PTPRK: variants seen among roughly 807,000 people sequenced by gnomAD.
PTPRK encodes protein tyrosine phosphatase receptor type K.
Under a neutral mutation model 178.0 loss-of-function variants are expected in PTPRK, and 75 were observed. The ratio of observed to expected loss-of-function variants is 0.42; its 90% CI spans 0.35 to 0.51. The LOEUF (loss-of-function observed/expected upper bound fraction) is 0.51. Among genes scored for constraint, PTPRK ranks in the 20% least tolerant of loss-of-function variants. PTPRK has a pLI of 0.02. For missense variants in PTPRK, 1,441 were observed against 1,797.8 expected, an observed-to-expected ratio of 0.80 and a Z score of 3.59; for synonymous variants, 637 against 620.6, an observed-to-expected ratio of 1.03 and a Z score of -0.39.
intron 8 of PTPRK, among the ~76,000 whole-genome samples, chr6:128,088,326 C>T (rs576448705): frequency 2.7e-5 from 4 of 150,314 alleles, no homozygotes; most frequent in South Asian, 2.1e-4. Context: ...TGCAGTGAGC[C>T]GAGTCGAGCC....
intron 13 of PTPRK, among the ~76,000 whole-genome samples, chr6:128,009,755 T>G (rs1778847916): frequency 6.6e-6 from 1 of 151,252 alleles, no homozygotes; most frequent in Non-Finnish European, 1.5e-5. Flanking sequence ...TAGAAGCATG[T>G]GTTTATGATT....
At chr6:127,972,940 G>T in intron 29 of PTPRK, 82 bp downstream of exon 29, 2 of 1,382,910 alleles carry the variant, frequency 1.4e-6, no homozygotes, top group African/African-American at 1.4e-5. Context: ...TTCCCTATGT[G>T]TGTATGAAGT....
chr6:128,464,620 CAT>C lies in PTPRK; in HGVS notation c.100+55637_100+55638del, dbSNP rs1174612862. 7.6e-3 allele frequency among the ~76,000 whole-genome samples: 677 copies of C among 88,796 alleles called. 9 individuals carry two copies. The highest frequency in any genetic ancestry group is 0.025 in the East Asian group (83 of 3,320). 58.3% of individuals were successfully genotyped at this position (88,796 alleles called of 152,430 possible). A position where few individuals can be genotyped will look rare whatever the true frequency, so the allele number is the denominator to read the frequency against. On this transcript the variant is annotated intron_variant, in intron 1 of 29. Coordinates refer to ENST00000368226, the MANE Select transcript of PTPRK (RefSeq NM_002844.4). ...GTTTAAATATATATATATACATATA[CAT>C]ATATATATATATACACATATATATA... is the stretch of plus-strand genomic sequence containing the variant.
chr6:128,248,715 G>C (rs1269780788), intron 3 of PTPRK, among the ~76,000 whole-genome samples: 2 of 152,136 alleles, frequency 1.3e-5, no homozygotes, highest in African/African-American at 4.8e-5. Flanking sequence ...GAAGAACACA[G>C]TGAAAGCACA....
intron 21 of PTPRK, among the ~76,000 whole-genome samples, chr6:127,990,204 G>A (rs953645817): frequency 1.3e-5 from 2 of 151,972 alleles, no homozygotes; most frequent in African/African-American, 2.4e-5. Flanking sequence ...CCTTCATTTT[G>A]TATTTCTTTC....
chr6:128,403,775 T>C (rs1383186753), intron 1 of PTPRK, among the ~76,000 whole-genome samples: 1 of 152,058 alleles, frequency 6.6e-6, no homozygotes, highest in Non-Finnish European at 1.5e-5. Context: ...CCAAAACCAG[T>C]TTTACCTGAA....
At chr6:128,354,243 T>TTTTTTTTTG in intron 2 of PTPRK, among the ~76,000 whole-genome samples, 1 of 98,640 alleles carries the variant, frequency 1.0e-5, no homozygotes, top group South Asian at 4.4e-4. Context: ...TTTTTTTTTT[T>TTTTTTTTTG]TTTTTTTTTT....
intron 6 of PTPRK, among the ~76,000 whole-genome samples, chr6:128,198,652 C>G (rs1173676418): frequency 6.6e-6 from 1 of 152,146 alleles, no homozygotes; most frequent in Non-Finnish European, 1.5e-5. Flanking sequence ...TTATCCTATA[C>G]TTCCTAGAGT....
chr6:128,337,589 T>C (rs1831114314), intron 2 of PTPRK, among the ~76,000 whole-genome samples: 1 of 152,186 alleles, frequency 6.6e-6, no homozygotes, highest in Admixed American at 6.5e-5. Context: ...ATGTAAATAT[T>C]GTTAAAATTG....
At chr6:128,280,275 T>C (rs1821461571) in intron 3 of PTPRK, among the ~76,000 whole-genome samples, 2 of 152,164 alleles carry the variant, frequency 1.3e-5, no homozygotes. Flanking sequence ...GGGACAGAGT[T>C]CTGCATACTC....
intron 17 of PTPRK, among the ~76,000 whole-genome samples, chr6:127,996,179 G>A (rs893682388): frequency 3.3e-5 from 5 of 151,970 alleles, no homozygotes; most frequent in African/African-American, 9.7e-5. Flanking sequence ...AAATAATATC[G>A]AACAACTGGA....
At chr6:128,238,126 G>GT in intron 5 of PTPRK, 1 of 441,510 alleles carries the variant, frequency 2.3e-6, no homozygotes, top group Non-Finnish European at 4.5e-6. Flanking sequence ...GAAGAATGAG[G>GT]CAATGTCCAT....
At chr6:128,145,825 T>TA (rs911918665) in intron 7 of PTPRK, among the ~76,000 whole-genome samples, 1 of 152,220 alleles carries the variant, frequency 6.6e-6, no homozygotes, top group Non-Finnish European at 1.5e-5. Context: ...ATTTCTATCT[T>TA]AAAAAATGAT....
intron 25 of PTPRK, among the ~76,000 whole-genome samples, chr6:127,978,905 C>A (rs1583483193): frequency 1.3e-5 from 2 of 152,198 alleles, no homozygotes; most frequent in South Asian, 4.1e-4. Flanking sequence ...AACAATAAAC[C>A]CTGTTCTTGT....
chr6:128,038,725 T>C (rs548216076), intron 13 of PTPRK, among the ~76,000 whole-genome samples: 1 of 152,326 alleles, frequency 6.6e-6, no homozygotes, highest in East Asian at 1.9e-4. Context: ...AAAAAAACTT[T>C]AAATGTTTGA....
intron 1 of PTPRK, among the ~76,000 whole-genome samples, chr6:128,463,291 C>T (rs921267851): frequency 1.3e-5 from 2 of 152,126 alleles, no homozygotes; most frequent in Admixed American, 1.3e-4. Context: ...CTTGTTTATA[C>T]TATCTATTGT....
chr6:128,314,530 A>G (rs1012204457), intron 3 of PTPRK, among the ~76,000 whole-genome samples: 5 of 152,196 alleles, frequency 3.3e-5, no homozygotes, highest in Admixed American at 1.3e-4. Context: ...GCTGTGAGTG[A>G]TTCCCAAATC....
At chr6:128,313,060 T>C (rs17055617) in intron 3 of PTPRK, among the ~76,000 whole-genome samples, 13,816 of 152,134 alleles carry the variant, frequency 0.091, 763 homozygotes, top group African/African-American at 0.15. Context: ...GCCAATTTTC[T>C]TTTGACACCA....
chr6:128,280,909 T>C (rs1821568173), intron 3 of PTPRK, among the ~76,000 whole-genome samples: 1 of 152,192 alleles, frequency 6.6e-6, no homozygotes, highest in African/African-American at 2.4e-5. Flanking sequence ...ATACTTTTTG[T>C]AGCATATTCT....
Sources: allele counts gnomAD v4.1 joint callset (sites outside exome capture counted in the v4.1 genomes callset), GRCh38; gene constraint gnomAD v4.1.1; transcripts MANE v1.5; gene names NCBI Gene and HGNC (gene_info 2026-07-23, HGNC 2026-07-21).